Variants in ADCK1 observed in about 807,000 individuals in gnomAD.
ADCK1 encodes the protein aarF domain containing kinase 1, also known as aarF domain-containing protein kinase 1.
A neutral mutation model predicts 52.3 loss-of-function variants in ADCK1; 41 were observed. The ratio of observed to expected loss-of-function variants is 0.78; its 90% CI spans 0.61 to 1.02. ADCK1 has a LOEUF of 1.02. Ranked by LOEUF, ADCK1 falls within the 50% of genes least tolerant of loss-of-function variation. The pLI is 0.00. For synonymous variants in ADCK1, 250 were observed against 274.6 expected (o/e 0.91, Z 0.89); for missense variants, 658 against 679.5 (o/e 0.97, Z 0.35).
At chr14:77,852,905 ATATTTTTTTT>A (rs1460841314) in intron 3 of ADCK1, among the ~76,000 whole-genome samples, 8 of 28,450 alleles carry the variant, frequency 2.8e-4, no homozygotes, top group East Asian at 4.6e-4. Flanking sequence ...ATATATATAT[ATATTTTTTTT>A]TTTTTTTTTT....
intron 4 of ADCK1, among the ~76,000 whole-genome samples, chr14:77,864,119 G>A (rs192089074): frequency 9.3e-4 from 142 of 152,314 alleles, no homozygotes; most frequent in African/African-American, 3.2e-3. Context: ...GTAGGGACAA[G>A]CGTATGCTGC....
At chr14:77,847,913 G>T (rs946422596) in intron 3 of ADCK1, among the ~76,000 whole-genome samples, 3 of 152,182 alleles carry the variant, frequency 2.0e-5, no homozygotes, top group African/African-American at 7.2e-5. Flanking sequence ...GCCCAGACGT[G>T]GCCAGAGCCA....
intron 2 of ADCK1, among the ~76,000 whole-genome samples, chr14:77,820,782 A>G (rs1348174455): frequency 6.6e-6 from 1 of 151,822 alleles, no homozygotes; most frequent in Non-Finnish European, 1.5e-5. Context: ...TTTTTGAGAC[A>G]GAATCTTGCT....
chr14:77,850,646 A>G (rs1344754001), intron 3 of ADCK1, among the ~76,000 whole-genome samples: 2 of 119,062 alleles, frequency 1.7e-5, no homozygotes, highest in Non-Finnish European at 1.6e-5. Flanking sequence ...GGCATGATAT[A>G]TCTTTTTTTT....
chr14:77,889,896 A>AAAC (rs1566705768), intron 5 of ADCK1, among the ~76,000 whole-genome samples: 1 of 151,500 alleles, frequency 6.6e-6, no homozygotes, highest in East Asian at 1.9e-4. Flanking sequence ...TAAAAAAAAA[A>AAAC]AAAAAAAACA....
intron 3 of ADCK1, among the ~76,000 whole-genome samples, chr14:77,852,669 A>ATATATAT (rs1566667179): frequency 0.032 from 302 of 9,398 alleles, 3 homozygotes; most frequent in African/African-American, 0.063. Flanking sequence ...AAATATATAT[A>ATATATAT]TATATATATA....
chr14:77,840,342 T>C (rs1470635929), intron 3 of ADCK1, among the ~76,000 whole-genome samples: 2 of 152,110 alleles, frequency 1.3e-5, no homozygotes, highest in Non-Finnish European at 2.9e-5. Context: ...TTTTCCTTTT[T>C]TTTTTTCCAT....
At position 77,892,478 on chromosome 14, in the gene ADCK1, C is replaced by T. The variant is rs180795960; in HGVS notation, c.582+5229C>T. 5.3e-5 allele frequency among the ~76,000 whole-genome samples: 8 copies of T among 152,188 alleles called. No individual in the cohort carries two copies. The East Asian group carries it at 1.3e-3, about 26-fold the overall frequency. On this transcript the variant is annotated intron_variant, in intron 5 of 10. Coordinates refer to ENST00000238561, the MANE Select transcript of ADCK1 (RefSeq NM_020421.4). ...GTCAGCTGTTCCAAGGCTGACAGCC[C>T]AGCACCTCATTGTTTGTAATGACTC...
intron 7 of ADCK1, among the ~76,000 whole-genome samples, chr14:77,918,875 C>T (rs559136483): frequency 9.1e-4 from 139 of 152,308 alleles, no homozygotes; most frequent in African/African-American, 3.1e-3. Context: ...CAAATAATTT[C>T]TGTCTAGTAT....
At chr14:77,815,502 C>T (rs1287155131) in intron 1 of ADCK1, among the ~76,000 whole-genome samples, 6 of 151,198 alleles carry the variant, frequency 4.0e-5, no homozygotes, top group Non-Finnish European at 8.8e-5. Flanking sequence ...GAGTCACTGC[C>T]CCCAGCCAGG....
At chr14:77,902,294 G>A (rs542333465) in intron 6 of ADCK1, 1 of 152,352 alleles carries the variant, frequency 6.6e-6, no homozygotes, top group East Asian at 1.9e-4. Flanking sequence ...CTTTGTGTGT[G>A]GTGAGGGTTG....
chr14:77,812,810 G>A (rs773176509), intron 1 of ADCK1, among the ~76,000 whole-genome samples: 2 of 151,608 alleles, frequency 1.3e-5, no homozygotes, highest in Non-Finnish European at 2.9e-5. Flanking sequence ...GGCTAGTCTC[G>A]AACTCCTGGG....
chr14:77,875,034 G>T (rs1047731839), intron 4 of ADCK1, among the ~76,000 whole-genome samples: 1 of 152,138 alleles, frequency 6.6e-6, no homozygotes, highest in Non-Finnish European at 1.5e-5. Context: ...GAAAGATAAG[G>T]CTGGAGAGCT....
chr14:77,815,457 A>ATTGTG (rs1318278747), intron 1 of ADCK1, among the ~76,000 whole-genome samples: 3 of 148,492 alleles, frequency 2.0e-5, no homozygotes, highest in Non-Finnish European at 3.0e-5. Flanking sequence ...CAGTCCTCCC[A>ATTGTG]TTGTGGCCTC....
At position 77,859,181 on chromosome 14, in the gene ADCK1, GA is replaced by G; in HGVS notation, c.326del (p.Glu109GlyfsTer7). ...HLGALDYLLP[E>X]EYTSTLKVLH... Reference sequence around the variant, plus strand: ...GGGGGCTCTGGACTACCTGTTGCCAGAGGAGTACACCAGCACGCTGAAGGTA... The same window carrying G: ...GGGGGCTCTGGACTACCTGTTGCCAGGGAGTACACCAGCACGCTGAAGGTA... On this transcript the variant is annotated frameshift_variant, in exon 4 of 11. Coordinates refer to ENST00000238561, the MANE Select transcript of ADCK1 (RefSeq NM_020421.4). LOFTEE classifies it high-confidence loss of function. 1 of 1,614,098 alleles carries G rather than the reference GA, an allele frequency of 6.2e-7. No homozygotes were observed.
chr14:77,842,848 T>C (rs1369583272), intron 3 of ADCK1, among the ~76,000 whole-genome samples: 2 of 151,246 alleles, frequency 1.3e-5, no homozygotes, highest in Non-Finnish European at 2.9e-5. Context: ...TTGTGCCTGG[T>C]CGAGGGTATT....
intron 3 of ADCK1, among the ~76,000 whole-genome samples, chr14:77,847,726 A>G (rs922568768): frequency 1.3e-5 from 2 of 152,158 alleles, no homozygotes; most frequent in Non-Finnish European, 2.9e-5. Flanking sequence ...ACAGTCCTCT[A>G]GTGTGGCCCA....
chr14:77,905,200 C>A (rs1379490422), intron 6 of ADCK1, among the ~76,000 whole-genome samples: 1 of 151,502 alleles, frequency 6.6e-6, no homozygotes, highest in African/African-American at 2.4e-5. Flanking sequence ...TGCAGGGAGA[C>A]CAAAAAGGGG....
chr14:77,862,950 G>A lies in ADCK1; in HGVS notation c.423+3671G>A, dbSNP rs193097239. 1.9e-3 allele frequency among the ~76,000 whole-genome samples: 295 copies of A among 152,324 alleles called. 1 individual carries two copies. The highest frequency in any genetic ancestry group is 3.5e-3 in the Non-Finnish European group (235 of 68,026). On this transcript the variant is annotated intron_variant, in intron 4 of 10. Transcript: ENST00000238561. ...CCTCTGACCCAGCCCCTTAGAGATG[G>A]ATGGAATTGGAGGAGGTGGATGTTG...
Sources: gnomAD v4.1 joint callset for allele counts (sites outside exome capture counted in the v4.1 genomes callset) on GRCh38, gnomAD v4.1.1 for gene constraint, MANE v1.5 for transcripts, NCBI Gene and HGNC (gene_info 2026-07-23, HGNC 2026-07-21) for gene names.